Variants in HS6ST2 observed in about 807,000 individuals in gnomAD.
The protein encoded by HS6ST2 is heparan-sulfate 6-O-sulfotransferase 2.
Under a neutral mutation model 33.0 loss-of-function variants are expected in HS6ST2, and 17 were observed. The observed-to-expected ratio is 0.52, with a 90% confidence interval of 0.35 to 0.77. The LOEUF is 0.77. Among genes scored for constraint, HS6ST2 ranks in the 30% least tolerant of loss-of-function variants. The pLI, the probability that HS6ST2 is intolerant of heterozygous loss-of-function variation, is 0.01. For synonymous variants in HS6ST2, 248 were observed against 237.1 expected (o/e 1.05, Z -0.42); for missense variants, 519 against 551.7 (o/e 0.94, Z 0.59).
chrX:132,635,792 C>T (rs2063548421), intron 4 of HS6ST2, among the ~76,000 whole-genome samples: 1 of 110,801 alleles, frequency 9.0e-6, no homozygotes, highest in Non-Finnish European at 1.9e-5. Flanking sequence ...GGTTGAGGAA[C>T]CTTGCTCTAT....
At chrX:132,918,758 C>T (rs777697428) in intron 2 of HS6ST2, among the ~76,000 whole-genome samples, 1 of 111,665 alleles carries the variant, frequency 9.0e-6, no homozygotes, top group East Asian at 2.8e-4. Flanking sequence ...TTAATGGTCC[C>T]TGTTCTAAAT....
At chrX:132,674,064 C>T (rs2063906304) in intron 3 of HS6ST2, among the ~76,000 whole-genome samples, 1 of 111,718 alleles carries the variant, frequency 9.0e-6, no homozygotes, top group African/African-American at 3.3e-5. Flanking sequence ...AGAGTCCTTG[C>T]CCCTTTAAGT....
At chrX:132,732,804 G>T (rs1297456345) in intron 2 of HS6ST2, among the ~76,000 whole-genome samples, 1 of 111,586 alleles carries the variant, frequency 9.0e-6, no homozygotes, top group East Asian at 2.8e-4. Flanking sequence ...GCATGAAAAT[G>T]AGCTAATATG....
intron 2 of HS6ST2, among the ~76,000 whole-genome samples, chrX:132,779,794 C>G (rs1018186297): frequency 9.0e-6 from 1 of 110,827 alleles, no homozygotes; most frequent in Non-Finnish European, 1.9e-5. Flanking sequence ...TCCCAATAAC[C>G]CTATAAGGTT....
intron 4 of HS6ST2, among the ~76,000 whole-genome samples, chrX:132,654,620 C>T (rs1048391944): frequency 1.8e-5 from 2 of 112,080 alleles, no homozygotes; most frequent in South Asian, 3.7e-4. Flanking sequence ...TTTCACATAT[C>T]GAGTTGCAGT....
chrX:132,945,382 C>T (rs2066940074), intron 2 of HS6ST2, among the ~76,000 whole-genome samples: 1 of 111,591 alleles, frequency 9.0e-6, no homozygotes, highest in South Asian at 3.8e-4. Context: ...TGTGGAGAAA[C>T]AGGAACACTT....
chrX:132,865,448 G>A (rs1024246253), intron 2 of HS6ST2, among the ~76,000 whole-genome samples: 9 of 109,814 alleles, frequency 8.2e-5, no homozygotes, highest in African/African-American at 3.0e-4. Flanking sequence ...ACGTGTGCAT[G>A]TGTCTTTATA....
chrX:132,941,575 G>A (rs1376965937), intron 2 of HS6ST2, among the ~76,000 whole-genome samples: 1 of 112,405 alleles, frequency 8.9e-6, no homozygotes, highest in Non-Finnish European at 1.9e-5. Context: ...ATTGGATTAA[G>A]AAAGCAAGTG....
chrX:132,807,066 G>A (rs980330755), intron 2 of HS6ST2, among the ~76,000 whole-genome samples: 1 of 110,183 alleles, frequency 9.1e-6, no homozygotes, highest in Non-Finnish European at 1.9e-5. Flanking sequence ...TGGTGCAAAA[G>A]TATTTGCGGT....
chrX:132,723,361 C>T (rs1320186478), intron 2 of HS6ST2, among the ~76,000 whole-genome samples: 3 of 111,494 alleles, frequency 2.7e-5, no homozygotes, highest in African/African-American at 9.8e-5. Context: ...AAACCAAAGA[C>T]ACATCAAAAA....
chrX:132,777,201 T>C (rs1161136672), intron 2 of HS6ST2, among the ~76,000 whole-genome samples: 1 of 106,754 alleles, frequency 9.4e-6, no homozygotes, highest in East Asian at 2.9e-4. Context: ...ATAGAACCAG[T>C]GTTGAGAAGG....
intron 2 of HS6ST2, among the ~76,000 whole-genome samples, chrX:132,951,402 G>C (rs1462157078): frequency 1.8e-5 from 2 of 110,896 alleles, no homozygotes; most frequent in African/African-American, 6.6e-5. Flanking sequence ...AGGACTCCGT[G>C]CCCACCCACA....
chrX:132,862,837 T>C (rs147709312), intron 2 of HS6ST2, among the ~76,000 whole-genome samples: 1,270 of 111,975 alleles, frequency 0.011, 7 homozygotes, highest in South Asian at 0.051. Flanking sequence ...ATGGTAACCG[T>C]AGTTGCAGTA....
At chrX:132,894,483 ATG>A (rs2066352800) in intron 2 of HS6ST2, among the ~76,000 whole-genome samples, 2 of 95,381 alleles carry the variant, frequency 2.1e-5, no homozygotes, top group Non-Finnish European at 4.0e-5. Context: ...ATGTTATGTT[ATG>A]TTATGTTATG....
At chrX:132,816,955 A>C (rs771193076) in intron 2 of HS6ST2, among the ~76,000 whole-genome samples, 5 of 111,433 alleles carry the variant, frequency 4.5e-5, no homozygotes, top group Non-Finnish European at 9.4e-5. Flanking sequence ...GCAGCAGGTA[A>C]AATTAGGGAA....
intron 2 of HS6ST2, among the ~76,000 whole-genome samples, chrX:132,791,232 T>C (rs1473260455): frequency 8.9e-6 from 1 of 112,297 alleles, no homozygotes; most frequent in Non-Finnish European, 1.9e-5. Context: ...CTTCTCACTG[T>C]ATAGTATTTT....
intron 2 of HS6ST2, among the ~76,000 whole-genome samples, chrX:132,825,240 T>C (rs2148381567): frequency 9.0e-6 from 1 of 111,238 alleles, no homozygotes; most frequent in East Asian, 2.8e-4. Flanking sequence ...GATACTGGGG[T>C]ATACGAGGAG....
chrX:132,939,692 A>G (rs1938413000), intron 2 of HS6ST2, among the ~76,000 whole-genome samples: 1 of 112,209 alleles, frequency 8.9e-6, no homozygotes, highest in East Asian at 2.8e-4. Context: ...AAAAAATTCA[A>G]TTTACAATAA....
At chrX:132,705,029 T>C (rs541811963) in intron 3 of HS6ST2, among the ~76,000 whole-genome samples, 17 of 111,123 alleles carry the variant, frequency 1.5e-4, no homozygotes, top group South Asian at 7.7e-4. Flanking sequence ...AGAGGTCAAT[T>C]TGGGAATCAT....
Sources: gnomAD v4.1 joint callset for allele counts (sites outside exome capture counted in the v4.1 genomes callset) on GRCh38, gnomAD v4.1.1 for gene constraint, MANE v1.5 for transcripts, NCBI Gene and HGNC (gene_info 2026-07-23, HGNC 2026-07-21) for gene names.